Variants in ERBB4 observed in about 807,000 individuals in gnomAD.
ERBB4 encodes erb-b2 receptor tyrosine kinase 4, also known as receptor tyrosine-protein kinase erbB-4.
A neutral mutation model predicts 158.0 loss-of-function variants in ERBB4; 42 were observed. The ratio of observed to expected loss-of-function variants is 0.27; its 90% CI spans 0.21 to 0.34. ERBB4 has a LOEUF of 0.34. Among genes scored for constraint, ERBB4 ranks in the 10% least tolerant of loss-of-function variants. The probability of loss-of-function intolerance (pLI) is 1.00; values close to 1 mark genes in which losing one functional copy is unlikely to be tolerated. For missense variants in ERBB4, 1,333 were observed against 1,624.1 expected (o/e 0.82, Z 3.08); for synonymous variants, 583 against 558.7 (o/e 1.04, Z -0.61).
At chr2:211,537,319 ATTTG>A (rs10546191) in intron 20 of ERBB4, among the ~76,000 whole-genome samples, 44,657 of 151,520 alleles carry the variant, frequency 0.29, 7,208 homozygotes, top group East Asian at 0.61. Context: ...GTCTGGCTCA[ATTTG>A]TTTGGAAATT....
chr2:211,934,371 G>T (rs1239558396), intron 3 of ERBB4, among the ~76,000 whole-genome samples: 1 of 151,676 alleles, frequency 6.6e-6, no homozygotes, highest in Non-Finnish European at 1.5e-5. Context: ...TTAGTATTCT[G>T]GTCCTTAAAT....
intron 1 of ERBB4, among the ~76,000 whole-genome samples, chr2:212,416,962 T>C (rs183877995): frequency 1.3e-5 from 2 of 152,202 alleles, no homozygotes; most frequent in East Asian, 1.9e-4. Context: ...TTTGATAAGA[T>C]AGTATCATAA....
chr2:211,517,169 A>G (rs890771381), intron 20 of ERBB4, among the ~76,000 whole-genome samples: 2 of 152,128 alleles, frequency 1.3e-5, no homozygotes, highest in African/African-American at 4.8e-5. Context: ...GGGAATTAAA[A>G]AACTTTGGTT....
Position 211,712,078 on chromosome 2 carries a change from A to T in ERBB4, c.1096T>A (p.Leu366Met), listed in dbSNP as rs759496109. 1 of 1,612,748 alleles carries T rather than the reference A, an allele frequency of 6.2e-7. No homozygotes were observed. Among genetic ancestry groups the T allele is most frequent in the East Asian group, 2.2e-5 (1 of 44,834 alleles). The change falls in exon 9 of 28, where the codon TTG becomes ATG. Residue 366 changes from leucine (L) to methionine (M), a missense_variant. Leu to Met is a conservative substitution (Grantham distance 15). Around this residue, in one of 5 missense-constraint regions of ERBB4, gnomAD observed 438 missense variants for 586.9 expected, o/e 0.75. Transcript: ENST00000342788. ...TGAATACCAGTGACTAGAAAGATCA[A>T]ATTCCCATTGATCTTGGTACAGTTT... Reference protein sequence around the residue: ...FINCTKINGNLIFLVTGIHGD... With the variant: ...FINCTKINGNMIFLVTGIHGD...
intron 1 of ERBB4, among the ~76,000 whole-genome samples, chr2:212,226,150 C>G (rs746500584): frequency 1.1e-4 from 17 of 152,084 alleles, no homozygotes; most frequent in Non-Finnish European, 2.2e-4. Flanking sequence ...AGCTATATGG[C>G]TAGGACCCCA....
intron 3 of ERBB4, among the ~76,000 whole-genome samples, chr2:211,912,971 C>G (rs1474119714): frequency 6.6e-6 from 1 of 152,168 alleles, no homozygotes; most frequent in Non-Finnish European, 1.5e-5. Context: ...CCACTAAAAT[C>G]TGATTTACCA....
chr2:212,522,950 G>A (rs1421089966), intron 1 of ERBB4, among the ~76,000 whole-genome samples: 1 of 151,874 alleles, frequency 6.6e-6, no homozygotes, highest in Non-Finnish European at 1.5e-5. Flanking sequence ...GAGGAGAGGT[G>A]GTAGATCAGA....
At chr2:211,526,732 T>C (rs2066358473) in intron 20 of ERBB4, among the ~76,000 whole-genome samples, 1 of 151,792 alleles carries the variant, frequency 6.6e-6, no homozygotes, top group South Asian at 2.1e-4. Context: ...TCAGATAACT[T>C]AAACAAAGAG....
intron 4 of ERBB4, among the ~76,000 whole-genome samples, chr2:211,772,916 C>T (rs1437868384): frequency 3.2e-5 from 2 of 63,284 alleles, no homozygotes; most frequent in Non-Finnish European, 5.7e-5. Context: ...TATACACACA[C>T]ACACACACAT....
At chr2:211,392,166 A>T (rs1019491033) in intron 25 of ERBB4, among the ~76,000 whole-genome samples, 1 of 152,210 alleles carries the variant, frequency 6.6e-6, no homozygotes, top group African/African-American at 2.4e-5. Flanking sequence ...GAGCATCTCC[A>T]CACTTTCACA....
chr2:212,419,182 C>G (rs1386765173), intron 1 of ERBB4, among the ~76,000 whole-genome samples: 1 of 151,388 alleles, frequency 6.6e-6, no homozygotes, highest in Non-Finnish European at 1.5e-5. Context: ...TATAGAAAAA[C>G]TGTTGAACTG....
chr2:211,490,402 A>G (rs1450180531), intron 20 of ERBB4, among the ~76,000 whole-genome samples: 1 of 152,020 alleles, frequency 6.6e-6, no homozygotes, highest in Non-Finnish European at 1.5e-5. Flanking sequence ...AGCTCCATGG[A>G]AGCAGGGGTG....
At chr2:211,854,673 C>CT (rs1559578133) in intron 3 of ERBB4, among the ~76,000 whole-genome samples, 1 of 152,112 alleles carries the variant, frequency 6.6e-6, no homozygotes, top group Non-Finnish European at 1.5e-5. Context: ...ATTCCATCCA[C>CT]TTTCACGACT....
intron 1 of ERBB4, among the ~76,000 whole-genome samples, chr2:212,141,191 A>G (rs1442354315): frequency 6.6e-6 from 1 of 151,992 alleles, no homozygotes; most frequent in African/African-American, 2.4e-5. Context: ...TTATAAATTT[A>G]GAACTACAGC....
intron 1 of ERBB4, among the ~76,000 whole-genome samples, chr2:212,504,842 T>A (rs1433060966): frequency 6.6e-6 from 1 of 152,170 alleles, no homozygotes; most frequent in Admixed American, 6.5e-5. Context: ...GCTATTTGAA[T>A]AGGGAATAAA....
chr2:211,996,079 C>G (rs2125267185), intron 2 of ERBB4, among the ~76,000 whole-genome samples: 1 of 152,222 alleles, frequency 6.6e-6, no homozygotes, highest in South Asian at 2.1e-4. Flanking sequence ...GTTCATTCTA[C>G]AGAAAGCATC....
chr2:211,424,041 T>A, intron 23 of ERBB4, 114 bp downstream of exon 23: 3 of 1,038,724 alleles, frequency 2.9e-6, no homozygotes, highest in Non-Finnish European at 3.0e-6. Context: ...CCTTTCATAA[T>A]TGTTTTTGAA....
At chr2:211,996,397 A>T (rs2049166) in intron 2 of ERBB4, among the ~76,000 whole-genome samples, 54,530 of 151,884 alleles carry the variant, frequency 0.36, 11,615 homozygotes, top group Non-Finnish European at 0.5. Flanking sequence ...ATTTAACAAA[A>T]ATTTTGAATT....
intron 2 of ERBB4, among the ~76,000 whole-genome samples, chr2:212,066,466 A>T (rs941871030): frequency 6.6e-6 from 1 of 152,062 alleles, no homozygotes; most frequent in Non-Finnish European, 1.5e-5. Context: ...CGATATGATG[A>T]ATTCTAAAAG....
Sources: gnomAD v4.1 joint callset for allele counts (sites outside exome capture counted in the v4.1 genomes callset) on GRCh38, gnomAD v4.1.1 for gene constraint, gnomAD v4.1.1 regional missense constraint, MANE v1.5 for transcripts, NCBI Gene and HGNC (gene_info 2026-07-23, HGNC 2026-07-21) for gene names.